CD200R1: variants seen among roughly 807,000 people sequenced by gnomAD.
The protein encoded by CD200R1 is CD200 receptor 1, also known as cell surface glycoprotein CD200 receptor 1.
CD200R1 carries 30 observed loss-of-function variants against 38.1 expected under a neutral mutation model. The ratio of observed to expected loss-of-function variants is 0.79; its 90% CI spans 0.59 to 1.07. The LOEUF is 1.07. Among genes scored for constraint, CD200R1 ranks in the 50% least tolerant of loss-of-function variants. The pLI is 0.00. For missense variants in CD200R1, 372 were observed against 415.4 expected, an observed-to-expected ratio of 0.90 and a Z score of 0.91; for synonymous variants, 128 against 152.1, an observed-to-expected ratio of 0.84 and a Z score of 1.16.
Position 112,929,488 on chromosome 3 carries a change from T to C in CD200R1, c.222A>G (p.Val74=), listed in dbSNP as rs576246044. ...VLAEVNTSWP[V]KMATNAVLCC... ...AAAGCACAGCATTTGTAGCCATCTTTACAGGCCATGAAGTGTTAACTGGAC... is the reference window on the plus strand; with the variant it reads ...AAAGCACAGCATTTGTAGCCATCTTCACAGGCCATGAAGTGTTAACTGGAC... The change falls in exon 4 of 8, where the codon GTA becomes GTG. Residue 74 remains valine, a synonymous_variant. Transcript: ENST00000308611. The C allele has an allele frequency of 5.0e-6, 8 of 1,613,364 alleles. No homozygotes were observed. The East Asian group carries it at 1.6e-4, about 31-fold the overall frequency.
At chr3:112,967,564 A>C (rs1933199416) in intron 1 of CD200R1, among the ~76,000 whole-genome samples, 1 of 152,226 alleles carries the variant, frequency 6.6e-6, no homozygotes, top group South Asian at 2.1e-4. Flanking sequence ...ATTCCATGAG[A>C]GCAGGACCTA....
At chr3:112,952,813 A>AATAG (rs1553769070) in intron 1 of CD200R1, among the ~76,000 whole-genome samples, 2 of 151,836 alleles carry the variant, frequency 1.3e-5, no homozygotes, top group Non-Finnish European at 2.9e-5. Context: ...TAAATAAATA[A>AATAG]TTTTTCGTGG....
At position 112,936,116 on chromosome 3, in the gene CD200R1, C is replaced by T. The variant is rs933839630; in HGVS notation, c.137-4945G>A. 2.0e-5 allele frequency among the ~76,000 whole-genome samples: 3 copies of T among 152,126 alleles called. No individual in the cohort carries two copies. In the East Asian group the frequency reaches 5.8e-4, roughly 29 times the overall value. ...TAATCACCTCCACCTGCATCCATGT[C>T]CCTGCAAAGGACATGAACTCATCTA... On this transcript the variant is annotated intron_variant, in intron 2 of 7. Transcript: ENST00000308611.
At chr3:112,943,382 A>C (rs111758572) in intron 2 of CD200R1, among the ~76,000 whole-genome samples, 142 of 151,934 alleles carry the variant, frequency 9.3e-4, no homozygotes, top group African/African-American at 3.3e-3. Flanking sequence ...AATAATGCAT[A>C]GGTGAAAAAA....
At chr3:112,951,645 G>A (rs1473593326) in intron 1 of CD200R1, among the ~76,000 whole-genome samples, 1 of 151,684 alleles carries the variant, frequency 6.6e-6, no homozygotes, top group Non-Finnish European at 1.5e-5. Flanking sequence ...ACAGTTTGAG[G>A]AAGTTTTCTT....
At chr3:112,956,351 GT>G (rs887460454) in intron 1 of CD200R1, among the ~76,000 whole-genome samples, 3 of 149,726 alleles carry the variant, frequency 2.0e-5, no homozygotes, top group East Asian at 2.0e-4. Flanking sequence ...AGGATTTCTG[GT>G]TTTTTTTTAA....
chr3:112,946,932 T>C (rs1350235579), intron 2 of CD200R1, among the ~76,000 whole-genome samples: 5 of 138,658 alleles, frequency 3.6e-5, no homozygotes, highest in African/African-American at 1.4e-4. Context: ...AGTCAAACAA[T>C]GGAATATTAT....
In CD200R1 at chr3:112,922,647, G is replaced by A. The variant is rs1469288381; in HGVS notation, c.*1030C>T. 1 of 151,912 alleles carries A rather than the reference G, an allele frequency of 6.6e-6. No homozygotes were observed. The highest frequency in any genetic ancestry group is 1.9e-4 in the East Asian group (1 of 5,172). 9.4% of individuals were successfully genotyped at this position (151,912 alleles called of 1,614,324 possible). On this transcript the variant is annotated 3_prime_UTR_variant, in exon 8 of 8. Coordinates refer to ENST00000308611, the MANE Select transcript of CD200R1 (RefSeq NM_138806.4). ...TATAATGAGTTCAGAAGAAGCTAAT[G>A]TTCTCACACGTGCATTCACTCTCTT...
intron 1 of CD200R1, among the ~76,000 whole-genome samples, chr3:112,949,024 G>A (rs1559952311): frequency 6.6e-6 from 1 of 152,196 alleles, no homozygotes; most frequent in African/African-American, 2.4e-5. Context: ...CCTATAATAA[G>A]TAATTTTTTA....
At chr3:112,936,390 C>T (rs927240160) in intron 2 of CD200R1, among the ~76,000 whole-genome samples, 1 of 152,188 alleles carries the variant, frequency 6.6e-6, no homozygotes, top group Non-Finnish European at 1.5e-5. Context: ...TTGTCTTCCA[C>T]AATGGTTGCA....
intron 1 of CD200R1, among the ~76,000 whole-genome samples, chr3:112,968,756 C>T (rs1361464570): frequency 1.3e-5 from 2 of 152,252 alleles, no homozygotes; most frequent in East Asian, 1.9e-4. Flanking sequence ...TGACTCTAAA[C>T]CACACATTGC....
Position 112,929,227 on chromosome 3 carries a change from A to G in CD200R1, c.483T>C (p.Asp161=), listed in dbSNP as rs1382065097. 9 of 1,614,100 alleles carry G rather than the reference A, an allele frequency of 5.6e-6. No individual in the cohort carries two copies. The highest frequency in any genetic ancestry group is 1.7e-5 in the Admixed American group (1 of 59,998). Residue 161 remains aspartate (D), a synonymous_variant, in exon 4 of 8, where the codon GAT becomes GAC. Transcript: ENST00000308611. ...GYYRCIMVTP[D]GNFHRGYHLQ... ...GGTGATATCCACGATGGAAATTCCC[A>G]TCAGGTGTTACCATTATGCATCTGT...
chr3:112,966,777 A>G (rs1933174707), intron 1 of CD200R1, among the ~76,000 whole-genome samples: 1 of 151,906 alleles, frequency 6.6e-6, no homozygotes, highest in Non-Finnish European at 1.5e-5. Context: ...ACTTTATTAG[A>G]TGCTTACTTC....
intron 2 of CD200R1, among the ~76,000 whole-genome samples, chr3:112,934,152 A>AAC (rs1326641191): frequency 6.6e-6 from 1 of 152,154 alleles, no homozygotes; most frequent in African/African-American, 2.4e-5. Flanking sequence ...AAATAGATTT[A>AAC]ACCCAAATAC....
rs997969077 is a variant in CD200R1, at chr3:112,921,390, C to T, written c.*2287G>A. On this transcript the variant is annotated 3_prime_UTR_variant, in exon 8 of 8. Transcript: ENST00000308611. ...CAGAAGTTTGTAAGTGAAGCATAAC[C>T]CCAATAGATATTTAGTTATGATGAA... 4 of 151,504 alleles carry T rather than the reference C, an allele frequency of 2.6e-5. No homozygotes were observed. Among genetic ancestry groups the T allele is most frequent in the Non-Finnish European group, 5.9e-5 (4 of 67,892 alleles). 9.4% of individuals were successfully genotyped at this position (151,504 alleles called of 1,614,324 possible). A position where few individuals can be genotyped will look rare whatever the true frequency, so the allele number is the denominator to read the frequency against.
intron 2 of CD200R1, among the ~76,000 whole-genome samples, chr3:112,932,969 G>A (rs1413108568): frequency 3.3e-5 from 5 of 152,034 alleles, no homozygotes; most frequent in African/African-American, 1.2e-4. Flanking sequence ...ATTATGTCCT[G>A]GGCCTGAGAA....
intron 1 of CD200R1, among the ~76,000 whole-genome samples, chr3:112,963,032 G>A (rs146590382): frequency 5.3e-4 from 81 of 152,300 alleles, no homozygotes; most frequent in African/African-American, 1.7e-3. Flanking sequence ...AAGATCTGAC[G>A]GTTTTAAAAA....
At chr3:112,954,064 T>C (rs1941032154) in intron 1 of CD200R1, among the ~76,000 whole-genome samples, 1 of 152,206 alleles carries the variant, frequency 6.6e-6, no homozygotes, top group Admixed American at 6.5e-5. Flanking sequence ...AGGCACTTAT[T>C]GCTATAAATC....
chr3:112,939,078 T>C (rs1940656146), intron 2 of CD200R1, among the ~76,000 whole-genome samples: 1 of 151,940 alleles, frequency 6.6e-6, no homozygotes, highest in Non-Finnish European at 1.5e-5. Flanking sequence ...CAACATCCCT[T>C]CATCACTAAA....
Sources: allele counts gnomAD v4.1 joint callset (sites outside exome capture counted in the v4.1 genomes callset), GRCh38; gene constraint gnomAD v4.1.1; transcripts MANE v1.5; gene names NCBI Gene and HGNC (gene_info 2026-07-23, HGNC 2026-07-21).